Variants in ATP6V0A4 observed in about 807,000 individuals in gnomAD.
ATP6V0A4 encodes V-type proton ATPase 116 kDa subunit a 4.
A neutral mutation model predicts 107.3 loss-of-function variants in ATP6V0A4; 86 were observed. That is an observed-to-expected ratio of 0.80 (90% CI 0.67 to 0.96). The LOEUF (loss-of-function observed/expected upper bound fraction) is 0.96. Ranked by LOEUF, ATP6V0A4 falls within the 40% of genes least tolerant of loss-of-function variation. The pLI is 0.00. For synonymous variants in ATP6V0A4, 353 were observed against 381.4 expected, an observed-to-expected ratio of 0.93 and a Z score of 0.87; for missense variants, 908 against 1,045.6, an observed-to-expected ratio of 0.87 and a Z score of 1.81.
chr7:138,774,869 T>C (rs1807585133), intron 2 of ATP6V0A4, among the ~76,000 whole-genome samples: 1 of 152,138 alleles, frequency 6.6e-6, no homozygotes, highest in Non-Finnish European at 1.5e-5. Flanking sequence ...GAAATTCAGC[T>C]TCCGCTGTGG....
At chr7:138,707,066 A>T (rs1277515577) in intron 21 of ATP6V0A4, among the ~76,000 whole-genome samples, 2 of 51,116 alleles carry the variant, frequency 3.9e-5, no homozygotes, top group East Asian at 1.1e-3. Flanking sequence ...TAGCTAATTT[A>T]TATGTGTGTG....
chr7:138,707,180 T>TAA, intron 21 of ATP6V0A4, among the ~76,000 whole-genome samples: 1 of 59,168 alleles, frequency 1.7e-5, no homozygotes, highest in South Asian at 3.9e-4. Flanking sequence ...ATATATTATA[T>TAA]AATATATTAT....
chr7:138,789,439 G>A (rs940625859), intron 1 of ATP6V0A4, among the ~76,000 whole-genome samples: 11 of 151,302 alleles, frequency 7.3e-5, no homozygotes, highest in African/African-American at 2.4e-4. Context: ...GTAGAGATGG[G>A]GTTTTACCAT....
At chr7:138,731,421 A>G (rs2117235578) in intron 17 of ATP6V0A4, among the ~76,000 whole-genome samples, 1 of 152,266 alleles carries the variant, frequency 6.6e-6, no homozygotes, top group African/African-American at 2.4e-5. Flanking sequence ...CTTCATCCAG[A>G]GGAATCAGGA....
chr7:138,733,182 A>C, intron 16 of ATP6V0A4, 89 bp from the exon 17 acceptor site: 1 of 1,575,148 alleles, frequency 6.3e-7, no homozygotes, highest in Non-Finnish European at 8.6e-7. Flanking sequence ...AAAGCACAAA[A>C]TGTTCTATCT....
At chr7:138,748,765 G>A (rs952242049) in intron 12 of ATP6V0A4, among the ~76,000 whole-genome samples, 3 of 151,996 alleles carry the variant, frequency 2.0e-5, no homozygotes, top group Non-Finnish European at 2.9e-5. Flanking sequence ...ACCAAGAATC[G>A]AGTCTTCTAA....
chr7:138,775,644 ATTTTTTTTT>A (rs36128448), intron 2 of ATP6V0A4, among the ~76,000 whole-genome samples: 1 of 89,064 alleles, frequency 1.1e-5, no homozygotes, highest in African/African-American at 4.6e-5. Flanking sequence ...GATTGGGCTG[ATTTTTTTTT>A]TTTTTTTTTT....
At chr7:138,744,987 G>A in intron 14 of ATP6V0A4, 136 bp downstream of exon 14, 2 of 832,876 alleles carry the variant, frequency 2.4e-6, no homozygotes, top group African/African-American at 1.7e-5. Context: ...ACAGGCATGA[G>A]CCACTGAGCC....
At chr7:138,768,515 A>T (rs1179322846) in intron 5 of ATP6V0A4, among the ~76,000 whole-genome samples, 1 of 152,106 alleles carries the variant, frequency 6.6e-6, no homozygotes, top group Non-Finnish European at 1.5e-5. Context: ...CACAAAAGCA[A>T]TCAACTCCTC....
At chr7:138,766,352 G>A (rs868615333) in intron 5 of ATP6V0A4, among the ~76,000 whole-genome samples, 2 of 151,932 alleles carry the variant, frequency 1.3e-5, no homozygotes, top group East Asian at 1.9e-4. Flanking sequence ...ACAGGCATGC[G>A]CCACCCACGC....
In ATP6V0A4 at chr7:138,732,957, G is replaced by A. The variant is rs1181724593; in HGVS notation, c.1828C>T (p.Pro610Ser). 2 of 1,613,516 alleles carry A rather than the reference G, an allele frequency of 1.2e-6. No individual in the cohort carries two copies. The highest frequency in any genetic ancestry group is 1.7e-6 in the Non-Finnish European group (2 of 1,179,652). Residue 610 changes from proline (P) to serine (S), a missense_variant, in exon 17 of 22, where the codon CCC (proline) becomes TCC (serine). Pro to Ser is a moderately conservative substitution (Grantham distance 74). Transcript: ENST00000310018. ...TTGATGAAGTGGATGAGGATGCTGG[G>A]GGCGTGCTGAGATACATGGACGTCA... Reference protein sequence around the residue: ...CFDVHVSQHAPSILIHFINMF... With the variant: ...CFDVHVSQHASSILIHFINMF...
intron 2 of ATP6V0A4, among the ~76,000 whole-genome samples, chr7:138,778,172 G>A (rs546083670): frequency 1.2e-4 from 18 of 152,192 alleles, no homozygotes; most frequent in South Asian, 1.0e-3. Flanking sequence ...TCAGGAATTC[G>A]AGACAAGCCT....
At chr7:138,746,383 T>C (rs1220573516) in intron 13 of ATP6V0A4, among the ~76,000 whole-genome samples, 1 of 152,156 alleles carries the variant, frequency 6.6e-6, no homozygotes, top group Non-Finnish European at 1.5e-5. Flanking sequence ...ATGTTTACCA[T>C]ACAAAATCAT....
chr7:138,784,223 T>TATATATATAC (rs1554402556), intron 2 of ATP6V0A4, among the ~76,000 whole-genome samples: 962 of 87,140 alleles, frequency 0.011, 46 homozygotes, highest in African/African-American at 0.057. Flanking sequence ...ATTATATATA[T>TATATATATAC]ATATATATAT....
chr7:138,777,699 G>A (rs1352889758), intron 2 of ATP6V0A4, among the ~76,000 whole-genome samples: 1 of 150,230 alleles, frequency 6.7e-6, no homozygotes, highest in Non-Finnish European at 1.5e-5. Context: ...CTGGAAAAAG[G>A]GAGTAGAAAT....
intron 8 of ATP6V0A4, among the ~76,000 whole-genome samples, chr7:138,757,236 C>T (rs145461229): frequency 6.6e-6 from 1 of 152,306 alleles, no homozygotes; most frequent in Non-Finnish European, 1.5e-5. Context: ...AAAACCCAGA[C>T]CGGGTGCAGT....
intron 1 of ATP6V0A4, among the ~76,000 whole-genome samples, chr7:138,787,813 C>G (rs1238530085): frequency 6.6e-6 from 1 of 152,058 alleles, no homozygotes; most frequent in Non-Finnish European, 1.5e-5. Context: ...GCCTCGGTAA[C>G]AGAGCAAGAC....
At chr7:138,744,763 C>T (rs910535783) in intron 14 of ATP6V0A4, among the ~76,000 whole-genome samples, 3 of 151,934 alleles carry the variant, frequency 2.0e-5, no homozygotes, top group Non-Finnish European at 2.9e-5. Flanking sequence ...AGTGCAGTGG[C>T]GCAATCTCAG....
intron 21 of ATP6V0A4, among the ~76,000 whole-genome samples, chr7:138,709,208 CAAAAAAAAA>C (rs60144433): frequency 2.0e-5 from 1 of 49,334 alleles, no homozygotes; most frequent in Non-Finnish European, 3.9e-5. Context: ...GAGCCTGTCT[CAAAAAAAAA>C]AAAAAAAAAA....
Sources: gnomAD v4.1 joint callset for allele counts (sites outside exome capture counted in the v4.1 genomes callset) on GRCh38, gnomAD v4.1.1 for gene constraint, MANE v1.5 for transcripts, NCBI Gene and HGNC (gene_info 2026-07-23, HGNC 2026-07-21) for gene names.